Variants in GRID2 observed in about 807,000 individuals in gnomAD.
GRID2 encodes glutamate ionotropic receptor delta type subunit 2.
Under a neutral mutation model 114.8 loss-of-function variants are expected in GRID2, and 33 were observed. The ratio of observed to expected loss-of-function variants is 0.29; its 90% CI spans 0.22 to 0.38. The LOEUF (loss-of-function observed/expected upper bound fraction) is 0.38. Among genes scored for constraint, GRID2 ranks in the 10% least tolerant of loss-of-function variants. The pLI, the probability that GRID2 is intolerant of heterozygous loss-of-function variation, is 1.00. For synonymous variants in GRID2, 505 were observed against 449.9 expected, an observed-to-expected ratio of 1.12 and a Z score of -1.55; for missense variants, 1,184 against 1,257.7, an observed-to-expected ratio of 0.94 and a Z score of 0.89.
intron 1 of GRID2, among the ~76,000 whole-genome samples, chr4:93,802,267 C>A (rs1043188360): frequency 1.3e-5 from 2 of 152,112 alleles, no homozygotes; most frequent in Non-Finnish European, 2.9e-5. Context: ...GTTCAGGCAA[C>A]CCCAGGAGCT....
chr4:92,810,155 C>T (rs1437508427), intron 2 of GRID2, among the ~76,000 whole-genome samples: 1 of 151,670 alleles, frequency 6.6e-6, no homozygotes, highest in African/African-American at 2.4e-5. Context: ...ATTTGAATGT[C>T]ACTTATGTCT....
intron 1 of GRID2, among the ~76,000 whole-genome samples, chr4:92,484,983 C>T (rs1722793570): frequency 6.6e-6 from 1 of 151,780 alleles, no homozygotes. Context: ...AATCATGGTG[C>T]TTACCATACA....
chr4:92,737,200 CATT>C (rs1269214595), intron 2 of GRID2, among the ~76,000 whole-genome samples: 2 of 151,994 alleles, frequency 1.3e-5, no homozygotes, highest in Non-Finnish European at 2.9e-5. Flanking sequence ...TACAAATCCT[CATT>C]GTAAAAGGGT....
At chr4:93,348,333 A>G (rs1169075038) in intron 8 of GRID2, among the ~76,000 whole-genome samples, 2 of 152,188 alleles carry the variant, frequency 1.3e-5, no homozygotes, top group Admixed American at 6.6e-5. Context: ...TGCAAAACAC[A>G]TAGCAATGTA....
rs1224228406 is a variant in GRID2 at position 93,373,809 on chromosome 4, G to T, written c.1246-21798G>T. 2.6e-5 allele frequency among the ~76,000 whole-genome samples: 4 copies of T among 152,144 alleles called. 1 individual carries two copies. Among genetic ancestry groups the T allele is most frequent in the African/African-American group, 4.8e-5 (2 of 41,444 alleles). ...GAAAATGGTCACTGAAATCATTTTTGTTGTTTCTAGTTCCAATGAGAAATG... is the reference window on the plus strand; with the variant it reads ...GAAAATGGTCACTGAAATCATTTTTTTTGTTTCTAGTTCCAATGAGAAATG... On this transcript the variant is annotated intron_variant, in intron 8 of 15. Coordinates refer to ENST00000282020, the MANE Select transcript of GRID2 (RefSeq NM_001510.4).
chr4:93,106,190 G>A (rs1040682234), intron 3 of GRID2, among the ~76,000 whole-genome samples: 2 of 152,124 alleles, frequency 1.3e-5, no homozygotes, highest in Non-Finnish European at 2.9e-5. Flanking sequence ...TCACCTGGAA[G>A]CACCTTGAGG....
At chr4:92,802,977 T>C (rs1218624381) in intron 2 of GRID2, among the ~76,000 whole-genome samples, 2 of 151,978 alleles carry the variant, frequency 1.3e-5, no homozygotes, top group Non-Finnish European at 2.9e-5. Flanking sequence ...AAACCCAAGA[T>C]TGCCCTCACA....
intron 5 of GRID2, among the ~76,000 whole-genome samples, chr4:93,211,715 G>T (rs145525981): frequency 6.6e-6 from 1 of 152,146 alleles, no homozygotes; most frequent in Non-Finnish European, 1.5e-5. Flanking sequence ...AAGCCACACT[G>T]CCTAGCCTCT....
At chr4:92,331,280 TAACCACAA>T in intron 1 of GRID2, among the ~76,000 whole-genome samples, 1 of 152,200 alleles carries the variant, frequency 6.6e-6, no homozygotes, top group Non-Finnish European at 1.5e-5. Flanking sequence ...AACTATGTGC[TAACCACAA>T]AAAGTGCCAG....
chr4:93,439,530 T>C (rs558230253), intron 10 of GRID2, among the ~76,000 whole-genome samples: 4 of 152,154 alleles, frequency 2.6e-5, no homozygotes, highest in African/African-American at 9.6e-5. Context: ...GGAACCCAAG[T>C]GAATAATGTT....
At chr4:93,127,313 G>A (rs1022123559) in intron 4 of GRID2, among the ~76,000 whole-genome samples, 8 of 151,994 alleles carry the variant, frequency 5.3e-5, no homozygotes, top group African/African-American at 1.9e-4. Context: ...TTTGTGTTGT[G>A]GTCTTTGAAC....
intron 2 of GRID2, among the ~76,000 whole-genome samples, chr4:92,840,590 T>G (rs1455603853): frequency 6.6e-6 from 1 of 152,082 alleles, no homozygotes; most frequent in Non-Finnish European, 1.5e-5. Flanking sequence ...GCAAAAATGT[T>G]GCTTCAAGAA....
intron 8 of GRID2, among the ~76,000 whole-genome samples, chr4:93,371,479 C>T (rs975703344): frequency 3.3e-5 from 5 of 151,498 alleles, no homozygotes; most frequent in Admixed American, 6.6e-5. Context: ...GCCTTTTACT[C>T]AATCGTTCCA....
At chr4:92,783,163 A>G (rs889142241) in intron 2 of GRID2, among the ~76,000 whole-genome samples, 1 of 152,186 alleles carries the variant, frequency 6.6e-6, no homozygotes, top group East Asian at 1.9e-4. Context: ...CTGATCACTT[A>G]ACTGAACTTT....
At chr4:93,124,409 T>A (rs1734087549) in intron 4 of GRID2, among the ~76,000 whole-genome samples, 1 of 152,218 alleles carries the variant, frequency 6.6e-6, no homozygotes, top group Non-Finnish European at 1.5e-5. Flanking sequence ...ATTTATATGC[T>A]GATTTCTATT....
intron 1 of GRID2, among the ~76,000 whole-genome samples, chr4:93,795,931 G>A (rs769241354): frequency 5.9e-5 from 9 of 152,204 alleles, no homozygotes; most frequent in Non-Finnish European, 1.3e-4. Flanking sequence ...CAACCCACAA[G>A]GCTTAAGGCA....
intron 2 of GRID2, among the ~76,000 whole-genome samples, chr4:92,776,145 A>C (rs1032893525): frequency 6.6e-6 from 1 of 152,146 alleles, no homozygotes; most frequent in African/African-American, 2.4e-5. Context: ...TTAATCTTTC[A>C]TCGCTATAAA....
At chr4:92,881,492 T>C (rs1277269900) in intron 2 of GRID2, among the ~76,000 whole-genome samples, 3 of 152,178 alleles carry the variant, frequency 2.0e-5, no homozygotes, top group African/African-American at 7.2e-5. Context: ...AGAAAAAATA[T>C]TTCGTCTGCT....
At chr4:92,660,369 G>T (rs1732459021) in intron 2 of GRID2, among the ~76,000 whole-genome samples, 1 of 151,202 alleles carries the variant, frequency 6.6e-6, no homozygotes, top group African/African-American at 2.4e-5. Flanking sequence ...TAAAAGGCTG[G>T]TTCCAGTTTA....
Sources: gnomAD v4.1 joint callset for allele counts (sites outside exome capture counted in the v4.1 genomes callset) on GRCh38, gnomAD v4.1.1 for gene constraint, MANE v1.5 for transcripts, NCBI Gene and HGNC (gene_info 2026-07-23, HGNC 2026-07-21) for gene names.